KANK3: variants seen among roughly 807,000 people sequenced by gnomAD.
The protein encoded by KANK3 is KN motif and ankyrin repeat domain-containing protein 3.
Under a neutral mutation model 65.4 loss-of-function variants are expected in KANK3, and 61 were observed. The ratio of observed to expected loss-of-function variants is 0.93; its 90% CI spans 0.76 to 1.15. KANK3 has a LOEUF of 1.15. Among genes scored for constraint, KANK3 ranks in the 50% most tolerant of loss-of-function variants. KANK3 has a pLI of 0.00. For missense variants in KANK3, 1,187 were observed against 1,178.8 expected, an observed-to-expected ratio of 1.01 and a Z score of -0.10; for synonymous variants, 586 against 543.3, an observed-to-expected ratio of 1.08 and a Z score of -1.09.
intron 7 of KANK3, among the ~76,000 whole-genome samples, chr19:8,331,470 G>C (rs1045731433): frequency 6.6e-6 from 1 of 152,144 alleles, no homozygotes; most frequent in South Asian, 2.1e-4. Context: ...GGGGTTGGGG[G>C]CAGGCAGTGG....
At chr19:8,338,620 A>C (rs1164118313) in intron 1 of KANK3, among the ~76,000 whole-genome samples, 34 of 152,052 alleles carry the variant, frequency 2.2e-4, no homozygotes, top group Admixed American at 2.0e-3. Flanking sequence ...TCACGCCTGT[A>C]ATCCCAGCAC....
chr19:8,333,940 T>G lies in KANK3; in HGVS notation c.1604A>C (p.Glu535Ala), dbSNP rs890992902. ...GDIRDPEPEA[E>A]AEPQQVAQGR... ...CTGTGCCACCTGCTGAGGCTCTGCC[T>G]CCGCCTCGGGCTCAGGGTCCCGGAT... The change falls in exon 5 of 11, where the codon GAG becomes GCG. Residue 535 changes from glutamate to alanine, a missense_variant. Physicochemically the swap from Glu to Ala is moderately radical, Grantham distance 107. Transcript: ENST00000330915. The surrounding 1 kb of genome is among the most constrained non-coding windows in gnomAD (Gnocchi z 5.0). 4 of 1,573,898 alleles carry G rather than the reference T, an allele frequency of 2.5e-6. No individual in the cohort carries two copies. The African/African-American group carries it at 5.4e-5, about 21-fold the overall frequency.
intron 9 of KANK3, 25 bp from the exon 10 acceptor site, chr19:8,324,572 A>G: frequency 1.9e-6 from 3 of 1,612,510 alleles, no homozygotes; most frequent in Non-Finnish European, 2.5e-6. Flanking sequence ...GGACAGTCAG[A>G]TCCCTGAGCC....
chr19:8,337,665 GT>G, intron 2 of KANK3, 129 bp downstream of exon 2: 1 of 1,134,148 alleles, frequency 8.8e-7, no homozygotes, highest in Non-Finnish European at 1.3e-6. Flanking sequence ...GCCATAGGTG[GT>G]TTAAAGCAGG....
At chr19:8,331,030 T>A (rs1970514017) in intron 7 of KANK3, among the ~76,000 whole-genome samples, 1 of 148,686 alleles carries the variant, frequency 6.7e-6, no homozygotes. Context: ...CCGTCTTTAC[T>A]AAAAGTACAA....
chr19:8,337,814 G>A lies in KANK3; in HGVS notation c.15C>T (p.Ala5=), dbSNP rs1427036775. The change falls in exon 2 of 11, where the codon GCC becomes GCT. Residue 5 remains alanine, a synonymous_variant. Coordinates refer to ENST00000330915, the MANE Select transcript of KANK3 (RefSeq NM_198471.3). MAKF[A]LNQNLPDLGG... Reference sequence around the variant, plus strand: ...ACTCACCGGGCAGGTTCTGATTCAGGGCAAACTTGGCCATGTTTCCTGCAG... The same window carrying A: ...ACTCACCGGGCAGGTTCTGATTCAGAGCAAACTTGGCCATGTTTCCTGCAG... The A allele has an allele frequency of 3.1e-6, 5 of 1,613,386 alleles. No individual in the cohort carries two copies. In the Admixed American group the frequency reaches 6.7e-5, roughly 22 times the overall value.
intron 7 of KANK3, among the ~76,000 whole-genome samples, chr19:8,326,933 T>C (rs934755750): frequency 6.6e-6 from 1 of 152,190 alleles, no homozygotes; most frequent in Non-Finnish European, 1.5e-5. Flanking sequence ...CTATCCTGAA[T>C]GAAACACAAA....
chr19:8,322,980 G>A, intron 10 of KANK3, 58 bp from the exon 11 acceptor site: 2 of 1,006,542 alleles, frequency 2.0e-6, no homozygotes. Context: ...AGGAAACGTG[G>A]GATTCAGCCC....
At chr19:8,329,492 CAAAAAAAAAA>C (rs59607185) in intron 7 of KANK3, among the ~76,000 whole-genome samples, 11 of 51,124 alleles carry the variant, frequency 2.2e-4, no homozygotes, top group African/African-American at 8.0e-4. Context: ...GACTCGGCCT[CAAAAAAAAAA>C]AAAAAAAAAA....
chr19:8,334,455 C>G (rs372495490), intron 3 of KANK3, 36 bp from the exon 4 acceptor site: 22 of 1,611,322 alleles, frequency 1.4e-5, no homozygotes, highest in African/African-American at 6.7e-5. Flanking sequence ...GAGTTCGAGT[C>G]CGGCGCCGAG....
At position 8,333,960 on chromosome 19, in the gene KANK3, C is replaced by T; in HGVS notation, c.1584G>A (p.Arg528=). The T allele has an allele frequency of 6.4e-7, 1 of 1,562,540 alleles. No individual in the cohort carries two copies. Residue 528 remains arginine (R), a synonymous_variant, in exon 5 of 11, where the codon CGG becomes CGA. Coordinates refer to ENST00000330915, the MANE Select transcript of KANK3 (RefSeq NM_198471.3). This position sits in a 1 kb window ranked among gnomAD's most constrained non-coding sequence, Gnocchi z 5.0. The part of the protein sequence containing the change: ...TPGPPSGGDI[R]DPEPEAEAEP... ...CTGCCTCCGCCTCGGGCTCAGGGTC[C>T]CGGATGTCCCCGCCGCTGGGAGGGC...
rs1568573646 is a variant in KANK3, at chr19:8,331,474, G to A, written c.1936+1540C>T. On this transcript the variant is annotated intron_variant, in intron 7 of 10. Coordinates refer to ENST00000330915, the MANE Select transcript of KANK3 (RefSeq NM_198471.3). ...TGCGTGTTTAGGGGGTTGGGGGCAG[G>A]CAGTGGGACCCGCCTCAACCTGCAG... is the stretch of plus-strand genomic sequence containing the variant. 2.0e-5 allele frequency among the ~76,000 whole-genome samples: 3 copies of A among 152,148 alleles called. No individual in the cohort carries two copies. The East Asian group carries it at 5.8e-4, about 29-fold the overall frequency.
At chr19:8,337,034 G>GT (rs1970651949) in intron 2 of KANK3, among the ~76,000 whole-genome samples, 4 of 119,578 alleles carry the variant, frequency 3.3e-5, no homozygotes, top group Admixed American at 2.7e-4. Flanking sequence ...TTTTTGTTTT[G>GT]TTTTTTTCTT....
chr19:8,330,228 T>C (rs1316698808), intron 7 of KANK3, among the ~76,000 whole-genome samples: 1 of 152,052 alleles, frequency 6.6e-6, no homozygotes, highest in Non-Finnish European at 1.5e-5. Context: ...CGTTAGTGTA[T>C]GTGACAGCAA....
At position 8,335,335 on chromosome 19, in the gene KANK3, G is replaced by A; in HGVS notation, c.492C>T (p.Ser164=). Residue 164 remains serine, a synonymous_variant, in exon 3 of 11, where the codon TCC becomes TCT. Transcript: ENST00000330915. ...GRGVPRSPRG[S]GRSSPAPNLA... ...GGTTAGGGGCGGGGCTGCTGCGGCC[G>A]GACCCGCGTGGGCTGCGCGGGACCC... The A allele has an allele frequency of 1.7e-6, 2 of 1,194,548 alleles. No homozygotes were observed. The highest frequency in any genetic ancestry group is 2.1e-6 in the Non-Finnish European group (2 of 964,272). 74.0% of individuals were successfully genotyped at this position (1,194,548 alleles called of 1,614,324 possible). A position where few individuals can be genotyped will look rare whatever the true frequency, so the allele number is the denominator to read the frequency against.
intron 2 of KANK3, among the ~76,000 whole-genome samples, chr19:8,336,758 GT>G (rs1970647547): frequency 2.1e-5 from 2 of 94,932 alleles, no homozygotes; most frequent in African/African-American, 4.3e-5. Flanking sequence ...AAAAAAAAAG[GT>G]TGGCGAGGGG....
chr19:8,333,586 G>C lies in KANK3; in HGVS notation c.1719+138C>G. Reference sequence around the variant, plus strand: ...AAGATCGGCGCTGTCCTGGGAAGGAGATCCCTTCGGAGAGCCTGGGGTCAG... The same window carrying C: ...AAGATCGGCGCTGTCCTGGGAAGGACATCCCTTCGGAGAGCCTGGGGTCAG... On this transcript the variant is annotated intron_variant, in intron 6 of 10. Transcript: ENST00000330915. The surrounding 1 kb of genome is among the most constrained non-coding windows in gnomAD (Gnocchi z 5.0). The C allele has an allele frequency of 1.4e-6, 1 of 698,112 alleles. No homozygotes were observed. The highest frequency in any genetic ancestry group is 2.3e-5 in the South Asian group (1 of 42,966). The allele number at this position is 698,112 out of a possible 1,614,324, so 43.2% of individuals were successfully genotyped here.
In KANK3 at chr19:8,334,836, G is replaced by C; in HGVS notation, c.991C>G (p.Pro331Ala). The C allele has an allele frequency of 2.7e-6, 4 of 1,478,354 alleles. No individual in the cohort carries two copies. Among genetic ancestry groups the C allele is most frequent in the South Asian group, 1.3e-5 (1 of 78,144 alleles). 91.6% of individuals were successfully genotyped at this position (1,478,354 alleles called of 1,614,324 possible). The change falls in exon 3 of 11, where the codon CCC (proline) becomes GCC (alanine). Residue 331 changes from proline (P) to alanine (A), a missense_variant. Transcript: ENST00000330915. ...CACGCGTCCGCCTCCACGGTCTCGG[G>C]GGCAGCCTCCACGCCGGCCTCCCGG... ...ETREAGVEAA[P>A]ETVEADAWVT...
At chr19:8,325,156 C>T (rs1199353670) in intron 7 of KANK3, 60 bp from the exon 8 acceptor site, 2 of 1,527,918 alleles carry the variant, frequency 1.3e-6, no homozygotes, top group Admixed American at 2.0e-5. Flanking sequence ...ACTTGATCCA[C>T]TCACCTCCCT....
Sources: allele counts gnomAD v4.1 joint callset (sites outside exome capture counted in the v4.1 genomes callset), GRCh38; gene constraint gnomAD v4.1.1; non-coding constraint Gnocchi (gnomAD v3.1); transcripts MANE v1.5; gene names NCBI Gene and HGNC (gene_info 2026-07-23, HGNC 2026-07-21).